Variants in MCTP2 observed in about 807,000 individuals in gnomAD.
MCTP2 encodes multiple C2 and transmembrane domain-containing protein 2.
In MCTP2, 132 loss-of-function variants were observed where a neutral mutation model predicts 111.6. That is an observed-to-expected ratio of 1.18 (90% CI 1.03 to 1.37). MCTP2 has a LOEUF of 1.37. MCTP2 is among the 40% of genes most tolerant of loss of function. MCTP2 has a pLI of 0.00. For synonymous variants in MCTP2, 395 were observed against 387.7 expected, an observed-to-expected ratio of 1.02 and a Z score of -0.22; for missense variants, 1,183 against 1,067.9, an observed-to-expected ratio of 1.11 and a Z score of -1.50.
In MCTP2 at chr15:94,478,862, ACCTTCCT is replaced by A; in HGVS notation, c.2569-103_2569-97del. 12 of 880,720 alleles carry A rather than the reference ACCTTCCT, an allele frequency of 1.4e-5. No individual in the cohort carries two copies. In the South Asian group the frequency reaches 1.5e-4, roughly 11 times the overall value. The allele number at this position is 880,720 out of a possible 1,614,324, so 54.6% of individuals were successfully genotyped here. On this transcript the variant is annotated intron_variant, in intron 22 of 22. Coordinates refer to ENST00000357742, the MANE Select transcript of MCTP2 (RefSeq NM_001385001.1). ...TTAGAAAATGATTCATTACCTTTGAACCTTCCTTCCTTTGCCTTCGGTTGTCCTTGGG... is the reference window on the plus strand; with the variant it reads ...TTAGAAAATGATTCATTACCTTTGAATCCTTTGCCTTCGGTTGTCCTTGGG...
intron 19 of MCTP2, among the ~76,000 whole-genome samples, 155 bp downstream of exon 19, chr15:94,443,115 A>G (rs550741317): frequency 1.3e-5 from 2 of 150,696 alleles, no homozygotes; most frequent in Non-Finnish European, 3.0e-5. Context: ...TTTAAAAAGG[A>G]TATCCCTTTT....
At chr15:94,313,201 C>G (rs294557) in intron 2 of MCTP2, among the ~76,000 whole-genome samples, 77,700 of 151,950 alleles carry the variant, frequency 0.51, 20,548 homozygotes, top group Non-Finnish European at 0.59. Flanking sequence ...TTGCCCATGT[C>G]CCCCCTCCAC....
intron 19 of MCTP2, among the ~76,000 whole-genome samples, chr15:94,455,445 G>GTT (rs531272807): frequency 1.4e-5 from 2 of 144,156 alleles, no homozygotes; most frequent in Non-Finnish European, 1.5e-5. Context: ...TCTTTCTGTT[G>GTT]TTTTTTTTTT....
At chr15:94,352,255 T>C (rs2078346739) in intron 8 of MCTP2, among the ~76,000 whole-genome samples, 1 of 152,220 alleles carries the variant, frequency 6.6e-6, no homozygotes, top group Non-Finnish European at 1.5e-5. Flanking sequence ...TGCCTCGGGA[T>C]GGTCTTGAAC....
At chr15:94,403,752 G>A (rs977250049) in intron 17 of MCTP2, among the ~76,000 whole-genome samples, 2 of 152,148 alleles carry the variant, frequency 1.3e-5, no homozygotes, top group South Asian at 2.1e-4. Flanking sequence ...TTCATGCCTC[G>A]GAGCAGAGCC....
At chr15:94,335,429 G>C (rs74028573) in intron 4 of MCTP2, among the ~76,000 whole-genome samples, 1 of 152,176 alleles carries the variant, frequency 6.6e-6, no homozygotes, top group Non-Finnish European at 1.5e-5. Context: ...AAAAATGAAA[G>C]TCACTTATTG....
intron 1 of MCTP2, among the ~76,000 whole-genome samples, chr15:94,277,528 G>A (rs1206341270): frequency 6.6e-6 from 1 of 152,118 alleles, no homozygotes; most frequent in African/African-American, 2.4e-5. Context: ...AGGCATGGAG[G>A]AACCTTAAAT....
chr15:94,305,243 T>TGAG (rs2075825095), intron 2 of MCTP2, among the ~76,000 whole-genome samples: 1 of 152,172 alleles, frequency 6.6e-6, no homozygotes, highest in Non-Finnish European at 1.5e-5. Context: ...CCCCACCATG[T>TGAG]GAGGACACAG....
chr15:94,470,238 T>G, intron 20 of MCTP2, 95 bp from the exon 21 acceptor site: 2 of 976,676 alleles, frequency 2.0e-6, no homozygotes, highest in South Asian at 1.5e-5. Context: ...TAAAAAAAAT[T>G]TCTATAATTA....
At chr15:94,435,821 C>T (rs112630779) in intron 17 of MCTP2, among the ~76,000 whole-genome samples, 6,093 of 145,450 alleles carry the variant, frequency 0.042, 169 homozygotes, top group East Asian at 0.12. Context: ...TTAGTAGAGA[C>T]GGGGTTTCAC....
At chr15:94,252,727 G>A (rs2072520674) in intron 1 of MCTP2, among the ~76,000 whole-genome samples, 1 of 151,628 alleles carries the variant, frequency 6.6e-6, no homozygotes, top group Admixed American at 6.6e-5. Context: ...ACTTATAAGT[G>A]TAACTTAGAT....
chr15:94,270,509 T>C lies in MCTP2; in HGVS notation c.-65-27692T>C, dbSNP rs1348011785. ...CCACAGACTGGCCTACATGGACCTG[T>C]CCAATGCGATCTCCTGCTCCCCTTT... On this transcript the variant is annotated intron_variant, in intron 1 of 22. Coordinates refer to ENST00000357742, the MANE Select transcript of MCTP2 (RefSeq NM_001385001.1). Among the ~76,000 whole-genome samples the C allele has an allele frequency of 2.4e-4, 37 of 152,132 alleles. 1 individual carries two copies. Among genetic ancestry groups the C allele is most frequent in the Admixed American group, 2.4e-3 (37 of 15,272 alleles).
chr15:94,339,506 C>CGTAT (rs2077526529), intron 5 of MCTP2, 74 bp downstream of exon 5: 2 of 1,239,576 alleles, frequency 1.6e-6, no homozygotes, highest in Non-Finnish European at 1.1e-6. Context: ...TCCTCTTAGA[C>CGTAT]GTGAACTTGC....
At chr15:94,286,728 G>T (rs2074775402) in intron 1 of MCTP2, among the ~76,000 whole-genome samples, 1 of 152,124 alleles carries the variant, frequency 6.6e-6, no homozygotes, top group Admixed American at 6.5e-5. Flanking sequence ...TTTTCTGCTT[G>T]GCCAGTTGCT....
intron 4 of MCTP2, among the ~76,000 whole-genome samples, chr15:94,316,539 G>T (rs1483752378): frequency 1.3e-5 from 2 of 152,176 alleles, no homozygotes; most frequent in Non-Finnish European, 2.9e-5. Context: ...AGGATAGTAA[G>T]ATTCACCTAC....
intron 10 of MCTP2, among the ~76,000 whole-genome samples, chr15:94,367,235 G>C (rs1419284347): frequency 1.3e-5 from 2 of 151,928 alleles, no homozygotes; most frequent in African/African-American, 4.8e-5. Flanking sequence ...ACTCATAAAA[G>C]GCACAGCCCA....
chr15:94,472,574 G>C (rs1001816264), intron 21 of MCTP2, among the ~76,000 whole-genome samples: 2 of 152,034 alleles, frequency 1.3e-5, no homozygotes, highest in African/African-American at 4.8e-5. Flanking sequence ...CCACTTTATG[G>C]ATAAAGTTAT....
chr15:94,328,126 CT>C (rs2076962093), intron 4 of MCTP2, among the ~76,000 whole-genome samples: 1 of 118,930 alleles, frequency 8.4e-6, no homozygotes, highest in Non-Finnish European at 1.7e-5. Context: ...GTGTTTATTT[CT>C]TTTCTTTTTT....
intron 1 of MCTP2, among the ~76,000 whole-genome samples, chr15:94,233,905 CAG>C (rs1412907878): frequency 2.6e-5 from 4 of 152,136 alleles, no homozygotes; most frequent in Non-Finnish European, 5.9e-5. Flanking sequence ...TAATTACACA[CAG>C]AAATGGAAGG....
Sources: allele counts gnomAD v4.1 joint callset (sites outside exome capture counted in the v4.1 genomes callset), GRCh38; gene constraint gnomAD v4.1.1; transcripts MANE v1.5; gene names NCBI Gene and HGNC (gene_info 2026-07-23, HGNC 2026-07-21).